INPP5A: variants seen among roughly 807,000 people sequenced by gnomAD.
INPP5A encodes inositol polyphosphate-5-phosphatase A.
A neutral mutation model predicts 65.2 loss-of-function variants in INPP5A; 14 were observed. The ratio of observed to expected loss-of-function variants is 0.21; its 90% CI spans 0.14 to 0.34. The LOEUF is 0.34. INPP5A is among the 10% of genes least tolerant of loss of function. The pLI is 1.00. For missense variants in INPP5A, 431 were observed against 545.6 expected, an observed-to-expected ratio of 0.79 and a Z score of 2.09; for synonymous variants, 207 against 208.3, an observed-to-expected ratio of 0.99 and a Z score of 0.05.
chr10:132,544,872 T>C (rs898140109), intron 1 of INPP5A, among the ~76,000 whole-genome samples: 7 of 152,160 alleles, frequency 4.6e-5, no homozygotes, highest in Non-Finnish European at 7.3e-5. Context: ...ACTTCCTGTT[T>C]TTTTATCAGT....
chr10:132,628,804 G>C (rs1372897196), intron 2 of INPP5A, among the ~76,000 whole-genome samples: 1 of 152,184 alleles, frequency 6.6e-6, no homozygotes, highest in Non-Finnish European at 1.5e-5. Flanking sequence ...CCATCCAATA[G>C]AAATGGTGTG....
chr10:132,760,370 T>A lies in INPP5A; in HGVS notation c.904-5403T>A, dbSNP rs112170327. Among the ~76,000 whole-genome samples the A allele has an allele frequency of 3.5e-3, 529 of 152,362 alleles. 5 individuals are homozygous for A. Among genetic ancestry groups the A allele is most frequent in the Middle Eastern group, 0.02 (6 of 294 alleles). On this transcript the variant is annotated intron_variant, in intron 11 of 15. Transcript: ENST00000368594. ...TGTGCCGCACGCCTGCGAGGGGCGATGGTCCTTCTGGGCTCCAGAGCTCCC... is the reference window on the plus strand; with the variant it reads ...TGTGCCGCACGCCTGCGAGGGGCGAAGGTCCTTCTGGGCTCCAGAGCTCCC...
intron 5 of INPP5A, among the ~76,000 whole-genome samples, chr10:132,696,472 C>A (rs1019315130): frequency 6.6e-6 from 1 of 152,114 alleles, no homozygotes; most frequent in African/African-American, 2.4e-5. Flanking sequence ...GTCAGCTCCA[C>A]GGGGTGTTAT....
rs544644559 is a variant in INPP5A at position 132,645,579 on chromosome 10, C to G, written c.118-289C>G. On this transcript the variant is annotated intron_variant, in intron 2 of 15. Transcript: ENST00000368594. ...GTAAACACGCATAACATTTTTTTAA[C>G]TAGAAATAAGGCCTCTAGATGATTG... Among the ~76,000 whole-genome samples, 4 of 152,284 alleles carry G rather than the reference C, an allele frequency of 2.6e-5. No homozygotes were observed. The South Asian group carries it at 8.3e-4, about 32-fold the overall frequency.
chr10:132,778,378 T>C (rs1466242403), intron 13 of INPP5A, among the ~76,000 whole-genome samples: 4 of 139,468 alleles, frequency 2.9e-5, no homozygotes, highest in Non-Finnish European at 6.1e-5. Flanking sequence ...GCCAGGCTGG[T>C]CTCAAATTCC....
intron 8 of INPP5A, among the ~76,000 whole-genome samples, chr10:132,716,373 G>A (rs1021921925): frequency 2.6e-5 from 4 of 152,220 alleles, no homozygotes; most frequent in Non-Finnish European, 4.4e-5. Context: ...TCGACGTGAC[G>A]TTGCTGTGAC....
At position 132,698,385 on chromosome 10, in the gene INPP5A, C is replaced by T. The variant is rs1845379653; in HGVS notation, c.474+466C>T. ...TGTGCCAGGCTGCGAGCAGCAGGGT[C>T]CCGGCAGTTATGCCTGCGTCACACG... On this transcript the variant is annotated intron_variant, in intron 6 of 15. Transcript: ENST00000368594. The surrounding 1 kb of genome is among the most constrained non-coding windows in gnomAD (Gnocchi z 5.5). Among the ~76,000 whole-genome samples, 1 of 152,160 alleles carries T rather than the reference C, an allele frequency of 6.6e-6. No homozygotes were observed. Among genetic ancestry groups the T allele is most frequent in the African/African-American group, 2.4e-5 (1 of 41,422 alleles).
At chr10:132,641,451 A>G (rs2133385426) in intron 2 of INPP5A, among the ~76,000 whole-genome samples, 1 of 152,248 alleles carries the variant, frequency 6.6e-6, no homozygotes, top group East Asian at 1.9e-4. Flanking sequence ...CTATCCGGAT[A>G]GATCTAACCA....
chr10:132,540,176 G>A (rs1590814666), intron 1 of INPP5A, among the ~76,000 whole-genome samples: 1 of 152,196 alleles, frequency 6.6e-6, no homozygotes, highest in Non-Finnish European at 1.5e-5. Context: ...GGGCATTTTA[G>A]TCTCAAAGGG....
intron 8 of INPP5A, among the ~76,000 whole-genome samples, chr10:132,714,586 C>T (rs531443095): frequency 8.5e-5 from 13 of 152,244 alleles, no homozygotes; most frequent in Admixed American, 2.6e-4. Context: ...GCTGCGGGGC[C>T]GGCAGCACCA....
chr10:132,755,343 C>A (rs572256818), intron 11 of INPP5A, among the ~76,000 whole-genome samples: 1 of 143,278 alleles, frequency 7.0e-6, no homozygotes, highest in African/African-American at 2.6e-5. Context: ...GCTGTGTGAG[C>A]GTGTGTGTGA....
At chr10:132,719,037 C>T (rs1845805426) in intron 8 of INPP5A, among the ~76,000 whole-genome samples, 1 of 147,302 alleles carries the variant, frequency 6.8e-6, no homozygotes, top group Admixed American at 6.7e-5. Context: ...TCTGTGGTAC[C>T]TGGGTTCTGT....
chr10:132,755,241 ATGAGCAGGTG>A (rs1212221503), intron 11 of INPP5A, among the ~76,000 whole-genome samples: 15 of 146,566 alleles, frequency 1.0e-4, no homozygotes, highest in African/African-American at 3.0e-4. Context: ...GTGTACATGC[ATGAGCAGGTG>A]TGAGCAGGTG....
chr10:132,780,750 T>C (rs1847146107), intron 13 of INPP5A, 99 bp from the exon 14 acceptor site: 1 of 968,640 alleles, frequency 1.0e-6, no homozygotes, highest in African/African-American at 1.6e-5. Context: ...TCCCCATCTC[T>C]CTGCCCCCAC....
intron 11 of INPP5A, among the ~76,000 whole-genome samples, chr10:132,756,778 A>T (rs1054501963): frequency 6.6e-6 from 1 of 152,270 alleles, no homozygotes; most frequent in Non-Finnish European, 1.5e-5. Context: ...AGGCAGGTCC[A>T]CGGAGAAGAA....
At position 132,782,181 on chromosome 10, in the gene INPP5A, G is replaced by A. The variant is rs1847175572; in HGVS notation, c.*152G>A. 1 of 1,255,018 alleles carries A rather than the reference G, an allele frequency of 8.0e-7. No individual in the cohort carries two copies. Among genetic ancestry groups the A allele is most frequent in the Non-Finnish European group, 1.1e-6 (1 of 893,890 alleles). The allele number at this position is 1,255,018 out of a possible 1,614,324, so 77.7% of individuals were successfully genotyped here. A position where few individuals can be genotyped will look rare whatever the true frequency, so the allele number is the denominator to read the frequency against. ...GCCCCACACTTCGCTTCAGCCTCCG[G>A]ACCATTCCGGAGCAGCCTCACATAC... is the stretch of plus-strand genomic sequence containing the variant. On this transcript the variant is annotated 3_prime_UTR_variant, in exon 16 of 16. Coordinates refer to ENST00000368594, the MANE Select transcript of INPP5A (RefSeq NM_005539.5). This position sits in a 1 kb window ranked among gnomAD's most constrained non-coding sequence, Gnocchi z 4.4.
At chr10:132,684,534 G>A (rs889170093) in intron 4 of INPP5A, among the ~76,000 whole-genome samples, 1 of 152,250 alleles carries the variant, frequency 6.6e-6, no homozygotes, top group African/African-American at 2.4e-5. Flanking sequence ...CCGTGAGGGT[G>A]TGGGGTTGTA....
At chr10:132,590,549 C>T (rs1401128864) in intron 1 of INPP5A, among the ~76,000 whole-genome samples, 8 of 152,206 alleles carry the variant, frequency 5.3e-5, no homozygotes, top group African/African-American at 9.6e-5. Context: ...GGCCTGCGTT[C>T]GAGGATGTTC....
chr10:132,683,392 CAT>C (rs889512583), intron 4 of INPP5A, among the ~76,000 whole-genome samples: 2 of 151,548 alleles, frequency 1.3e-5, no homozygotes, highest in African/African-American at 2.4e-5. Context: ...TGCGTGTACA[CAT>C]GTGTATTATC....
Sources: gnomAD v4.1 joint callset for allele counts (sites outside exome capture counted in the v4.1 genomes callset) on GRCh38, gnomAD v4.1.1 for gene constraint, Gnocchi (gnomAD v3.1) non-coding constraint, MANE v1.5 for transcripts, NCBI Gene and HGNC (gene_info 2026-07-23, HGNC 2026-07-21) for gene names.